Variants in PDXDC1 observed in about 807,000 individuals in gnomAD.
PDXDC1 encodes the protein pyridoxal dependent decarboxylase domain containing 1.
In PDXDC1, 42 loss-of-function variants were observed where a neutral mutation model predicts 100.1. That is an observed-to-expected ratio of 0.42 (90% CI 0.33 to 0.54). PDXDC1 has a LOEUF of 0.54. Among genes scored for constraint, PDXDC1 ranks in the 20% least tolerant of loss-of-function variants. PDXDC1 has a pLI of 0.10. For synonymous variants in PDXDC1, 260 were observed against 371.7 expected, an observed-to-expected ratio of 0.70 and a Z score of 3.46; for missense variants, 636 against 979.2, an observed-to-expected ratio of 0.65 and a Z score of 4.68.
chr16:15,031,001 G>GA (rs2043025753), intron 16 of PDXDC1, among the ~76,000 whole-genome samples: 1 of 151,634 alleles, frequency 6.6e-6, no homozygotes, highest in Admixed American at 6.6e-5. Context: ...ACCCTGGCTG[G>GA]AATGCAGTGT....
intron 16 of PDXDC1, chr16:15,055,804 A>T: frequency 1.4e-6 from 1 of 709,606 alleles, no homozygotes; most frequent in Non-Finnish European, 2.0e-6. Flanking sequence ...GCCAAGTTTC[A>T]AGTCTGTGTC....
At chr16:15,148,626 C>A in the PDXDC1 span, among the ~76,000 whole-genome samples, 1 of 151,532 alleles carries the variant, frequency 6.6e-6, no homozygotes, top group African/African-American at 2.4e-5. Flanking sequence ...TCAAGCGATC[C>A]ACCCACCCTG....
Position 15,036,040 on chromosome 16 carries a change from T to TG in PDXDC1, c.2133dup (p.Arg712AlafsTer8), listed in dbSNP as rs763494985. On this transcript the variant is annotated frameshift_variant, in exon 23 of 23. Transcript: ENST00000396410. LOFTEE classifies it low-confidence loss of function (END_TRUNC). ...GGCCAGAAGCCTTTTAAAAGGTCCC[T>TG]GCGAGGTTCAGATGCTTTGAGTGAG... 4 of 1,614,102 alleles carry TG rather than the reference T, an allele frequency of 2.5e-6. No homozygotes were observed. Among genetic ancestry groups the TG allele is most frequent in the Non-Finnish European group, 3.4e-6 (4 of 1,180,004 alleles).
At chr16:15,136,216 C>T in intron 16 of PDXDC1, 2 of 652,434 alleles carry the variant, frequency 3.1e-6, no homozygotes, top group East Asian at 2.7e-5. Context: ...AGCCCCATCA[C>T]TGTCCCCCTT....
At chr16:15,093,104 A>G (rs1432106959) in intron 16 of PDXDC1, among the ~76,000 whole-genome samples, 2 of 151,974 alleles carry the variant, frequency 1.3e-5, no homozygotes, top group Admixed American at 1.3e-4. Flanking sequence ...TCCCGGGTTC[A>G]AGCAATTATC....
intron 9 of PDXDC1, among the ~76,000 whole-genome samples, chr16:15,016,673 T>C (rs376275103): frequency 3.2e-3 from 491 of 152,366 alleles, no homozygotes; most frequent in African/African-American, 9.8e-3. Context: ...GAGCAGATAG[T>C]GGTGTCTCCT....
rs549610134 is a variant in PDXDC1 at position 14,998,251 on chromosome 16, A to G, written c.96-89A>G. On this transcript the variant is annotated intron_variant, in intron 2 of 22. Coordinates refer to ENST00000396410, the MANE Select transcript of PDXDC1 (RefSeq NM_015027.4). ...ATCCTGCCTCAGTCACTGGGAGGTT[A>G]TAGGCAACATGGTCATGTTTGCATA... The G allele has an allele frequency of 2.1e-5, 28 of 1,317,946 alleles. No individual in the cohort carries two copies. The African/African-American group carries it at 3.9e-4, about 18-fold the overall frequency. The allele number at this position is 1,317,946 out of a possible 1,614,324, so 81.6% of individuals were successfully genotyped here.
At chr16:15,152,053 C>T in the PDXDC1 span, among the ~76,000 whole-genome samples, 14 of 149,602 alleles carry the variant, frequency 9.4e-5, no homozygotes, top group African/African-American at 2.9e-4. Context: ...CGTCTCCCCA[C>T]GGAGCTTCGA....
rs77031093 is a variant in PDXDC1, at chr16:15,031,770, G to A, written c.1435G>A (p.Val479Ile). The change falls in exon 17 of 23, where the codon GTA (valine) becomes ATA (isoleucine). Residue 479 changes from valine to isoleucine, a missense_variant. Val to Ile is a conservative substitution (Grantham distance 29). Transcript: ENST00000396410. ...TCGGGGAGAGGATGTGGATCAGCTC[G>A]TAGCCTGCATAGAAAGCAAACTGCC... ...GTRGEDVDQL[V>I]ACIESKLPVL... 9.1e-5 allele frequency: 147 copies of A among 1,613,672 alleles called. No homozygotes were observed. The East Asian group carries it at 2.9e-3, about 32-fold the overall frequency.
chr16:15,127,365 G>A, intron 16 of PDXDC1: 4 of 803,526 alleles, frequency 5.0e-6, no homozygotes, highest in Non-Finnish European at 8.3e-6. Context: ...GCCTTTGGTG[G>A]ACGCCTTTCC....
At chr16:15,016,434 A>C in intron 9 of PDXDC1, 5 of 1,236,476 alleles carry the variant, frequency 4.0e-6, no homozygotes, top group Non-Finnish European at 5.4e-6. Flanking sequence ...ATCAACCAGG[A>C]TCCAGTGTGT....
At chr16:15,033,616 A>G (rs139291551) in intron 19 of PDXDC1, among the ~76,000 whole-genome samples, 94 of 152,338 alleles carry the variant, frequency 6.2e-4, no homozygotes, top group African/African-American at 2.1e-3. Flanking sequence ...AGGGGGAAAG[A>G]TCCACATAGC....
chr16:15,035,519 G>A lies in PDXDC1; in HGVS notation c.2073G>A (p.Thr691=), dbSNP rs780253932. The A allele has an allele frequency of 1.1e-5, 17 of 1,611,952 alleles. No individual in the cohort carries two copies. Among genetic ancestry groups the A allele is most frequent in the Middle Eastern group, 3.7e-4 (2 of 5,474 alleles). The part of the protein sequence containing the change: ...AQGAGVTLPP[T]PSGSRTKQRL... ...GTGCAGGAGTCACGCTGCCTCCAAC[G>A]CCCTCGGGCAGTCGCACCAAGCAGA... Residue 691 remains threonine (T), a synonymous_variant, in exon 22 of 23, where the codon ACG becomes ACA. Coordinates refer to ENST00000396410, the MANE Select transcript of PDXDC1 (RefSeq NM_015027.4).
At chr16:15,133,739 C>A (rs1202929487) in intron 16 of PDXDC1, 3 of 1,601,582 alleles carry the variant, frequency 1.9e-6, no homozygotes, top group African/African-American at 2.7e-5. Flanking sequence ...CGGGAGGGCT[C>A]CGTGACGTCA....
At chr16:14,984,448 A>AGTGTGTGTGT (rs1407283186) in intron 1 of PDXDC1, among the ~76,000 whole-genome samples, 2 of 130,682 alleles carry the variant, frequency 1.5e-5, no homozygotes, top group African/African-American at 5.7e-5. Flanking sequence ...AGAGAGAGAG[A>AGTGTGTGTGT]GAGAGAGTGT....
chr16:15,104,264 C>G, intron 16 of PDXDC1: 1 of 1,367,512 alleles, frequency 7.3e-7, no homozygotes, highest in South Asian at 1.5e-5. Flanking sequence ...GTCCCTCAGG[C>G]AATCATACCA....
intron 16 of PDXDC1, among the ~76,000 whole-genome samples, chr16:15,080,534 A>G (rs2045656201): frequency 6.6e-6 from 1 of 152,150 alleles, no homozygotes; most frequent in Non-Finnish European, 1.5e-5. Flanking sequence ...TCCCAGGATA[A>G]GCAATCCTTC....
At position 15,133,706 on chromosome 16, in the gene PDXDC1, G is replaced by C. The variant is rs2048215953; in HGVS notation, c.1400-5173G>C. 22 of 1,603,010 alleles carry C rather than the reference G, an allele frequency of 1.4e-5. 1 individual carries two copies. The South Asian group carries it at 2.1e-4, about 15-fold the overall frequency. ...AGCATCCTCCGCGTCATGCCAGCCT[G>C]AGGGACGGTCCCCATGGCATCACGG... is the stretch of plus-strand genomic sequence containing the variant. On this transcript the variant is annotated intron_variant, in intron 16 of 16. Transcript: ENST00000535621.
At chr16:15,068,107 C>A (rs1456437096) in intron 16 of PDXDC1, 2 of 1,499,526 alleles carry the variant, frequency 1.3e-6, no homozygotes, top group Admixed American at 4.0e-5. Flanking sequence ...TCTTACAATA[C>A]TAGATAAACA....
Sources: allele counts gnomAD v4.1 joint callset (sites outside exome capture counted in the v4.1 genomes callset), GRCh38; gene constraint gnomAD v4.1.1; transcripts MANE v1.5; gene names NCBI Gene and HGNC (gene_info 2026-07-23, HGNC 2026-07-21).